The following BRSK2 variants were observed in gnomAD, a reference collection of about 807,000 sequenced individuals.
The protein encoded by BRSK2 is BR serine/threonine kinase 2, also known as serine/threonine-protein kinase BRSK2.
In BRSK2, 19 loss-of-function variants were observed where a neutral mutation model predicts 83.3. The ratio of observed to expected loss-of-function variants is 0.23; its 90% CI spans 0.16 to 0.33. The LOEUF is 0.33. Among genes scored for constraint, BRSK2 ranks in the 10% least tolerant of loss-of-function variants. The probability of loss-of-function intolerance (pLI) is 1.00; values close to 1 mark genes in which losing one functional copy is unlikely to be tolerated. For missense variants in BRSK2, 798 were observed against 1,042.3 expected (o/e 0.77, Z 3.23); for synonymous variants, 519 against 435.4 (o/e 1.19, Z -2.39).
At chr11:1,394,038 T>C (rs1391900602) in intron 1 of BRSK2, among the ~76,000 whole-genome samples, 1 of 94,364 alleles carries the variant, frequency 1.1e-5, no homozygotes, top group East Asian at 3.5e-4. Flanking sequence ...TGGAGATGGG[T>C]CCTGGAGATG....
chr11:1,421,277 C>T (rs1381682442), intron 1 of BRSK2, among the ~76,000 whole-genome samples: 1 of 152,184 alleles, frequency 6.6e-6, no homozygotes, highest in East Asian at 1.9e-4. Flanking sequence ...AGGAGGGAGG[C>T]AGGCGTCTGC....
chr11:1,417,816 G>C (rs1038870295), intron 1 of BRSK2, among the ~76,000 whole-genome samples: 4 of 139,838 alleles, frequency 2.9e-5, no homozygotes, highest in African/African-American at 1.1e-4. Flanking sequence ...TGGGTCACCT[G>C]TGTCCTGCTT....
chr11:1,425,609 G>A (rs1409286787), intron 1 of BRSK2, among the ~76,000 whole-genome samples: 1 of 152,174 alleles, frequency 6.6e-6, no homozygotes, highest in Non-Finnish European at 1.5e-5. Flanking sequence ...GGCCACGGGA[G>A]GCTCTTCACC....
rs371157986 is a variant in BRSK2, at chr11:1,419,359, C to T, written c.92-16681C>T. Among the ~76,000 whole-genome samples the T allele has an allele frequency of 4.4e-4, 67 of 152,316 alleles. 1 individual carries two copies. Among genetic ancestry groups the T allele is most frequent in the Admixed American group, 2.6e-3 (40 of 15,308 alleles). On this transcript the variant is annotated intron_variant, in intron 1 of 19. Transcript: ENST00000528841. ...TTCCCTCTTGGGTGGTGTTTCCAGC[C>T]GCTGGCTGCCCGGGCAGCTCCAAAT...
chr11:1,453,265 G>T (rs532832408), intron 15 of BRSK2, among the ~76,000 whole-genome samples: 67 of 152,336 alleles, frequency 4.4e-4, no homozygotes, highest in Middle Eastern at 3.4e-3. Context: ...CTCACCCCTC[G>T]TCGGCCTGGC....
intron 1 of BRSK2, among the ~76,000 whole-genome samples, chr11:1,394,704 A>G (rs1317779245): frequency 4.2e-5 from 5 of 119,628 alleles, no homozygotes; most frequent in African/African-American, 1.7e-4. Flanking sequence ...GGTCCTGGAG[A>G]TGGGTCCCTG....
At chr11:1,460,239 C>G (rs950675402) in intron 19 of BRSK2, among the ~76,000 whole-genome samples, 3 of 152,134 alleles carry the variant, frequency 2.0e-5, no homozygotes, top group Non-Finnish European at 4.4e-5. Flanking sequence ...CCTGGCCCCA[C>G]GGCGCACAGC....
intron 1 of BRSK2, among the ~76,000 whole-genome samples, chr11:1,414,790 C>T (rs1206489066): frequency 6.6e-6 from 1 of 152,202 alleles, no homozygotes; most frequent in South Asian, 2.1e-4. Context: ...CGTTTCTGGA[C>T]GTGTCACAGA....
intron 2 of BRSK2, among the ~76,000 whole-genome samples, chr11:1,437,447 G>A (rs937593062): frequency 5.9e-5 from 9 of 152,210 alleles, no homozygotes; most frequent in African/African-American, 2.2e-4. Flanking sequence ...CCAGCTGCCC[G>A]TGGCCAGGCT....
intron 1 of BRSK2, among the ~76,000 whole-genome samples, chr11:1,404,862 T>A (rs562652187): frequency 6.6e-6 from 1 of 152,136 alleles, no homozygotes; most frequent in East Asian, 1.9e-4. Context: ...GGGGCAGGGC[T>A]CAGCACTCCC....
At chr11:1,460,196 C>T (rs902152635) in intron 19 of BRSK2, among the ~76,000 whole-genome samples, 2 of 152,184 alleles carry the variant, frequency 1.3e-5, no homozygotes, top group East Asian at 1.9e-4. Flanking sequence ...CTGGGTCCTG[C>T]GCAACAGCTC....
intron 8 of BRSK2, among the ~76,000 whole-genome samples, chr11:1,444,657 C>G (rs1048332935): frequency 6.6e-6 from 1 of 152,000 alleles, no homozygotes; most frequent in Non-Finnish European, 1.5e-5. Context: ...CCTCCCTCCC[C>G]CTCTCCCTCC....
intron 1 of BRSK2, among the ~76,000 whole-genome samples, chr11:1,426,235 G>A (rs752770245): frequency 1.0e-4 from 10 of 96,474 alleles, no homozygotes; most frequent in African/African-American, 2.2e-4. Flanking sequence ...TGTGTGGGGC[G>A]TGCTCCGGGG....
intron 13 of BRSK2, among the ~76,000 whole-genome samples, chr11:1,450,358 GC>G (rs1279894389): frequency 5.3e-5 from 8 of 152,230 alleles, no homozygotes; most frequent in Non-Finnish European, 1.2e-4. Flanking sequence ...AGGCCGCCCT[GC>G]GGCCCGACCC....
chr11:1,449,868 A>G, intron 13 of BRSK2, 32 bp downstream of exon 13: 2 of 1,499,986 alleles, frequency 1.3e-6, no homozygotes, highest in Non-Finnish European at 1.8e-6. Flanking sequence ...CCCAGCTCGG[A>G]TGCACAGAGG....
At position 1,461,199 on chromosome 11, in the gene BRSK2, G is replaced by T; in HGVS notation, c.*476G>T. 1 of 718,338 alleles carries T rather than the reference G, an allele frequency of 1.4e-6. No homozygotes were observed. Among genetic ancestry groups the T allele is most frequent in the Non-Finnish European group, 2.2e-6 (1 of 455,880 alleles). 44.5% of individuals were successfully genotyped at this position (718,338 alleles called of 1,614,324 possible). On this transcript the variant is annotated 3_prime_UTR_variant, in exon 20 of 20. Coordinates refer to ENST00000528841, the MANE Select transcript of BRSK2 (RefSeq NM_001256627.2). ...TCCAGCCCGGCCGACCCGGACTCCC[G>T]GTCACCTGACCCCTCAGCAAGAACA...
chr11:1,459,358 AC>A, intron 19 of BRSK2, 119 bp downstream of exon 19: 1 of 1,149,664 alleles, frequency 8.7e-7, no homozygotes, highest in Non-Finnish European at 1.3e-6. Context: ...AGATGTAGGC[AC>A]CCAGCAGCCC....
At chr11:1,413,064 G>A (rs536002882) in intron 1 of BRSK2, among the ~76,000 whole-genome samples, 144 of 152,262 alleles carry the variant, frequency 9.5e-4, no homozygotes, top group Middle Eastern at 3.4e-3. Flanking sequence ...TTCAGAACCC[G>A]CATTCCTGGG....
intron 1 of BRSK2, among the ~76,000 whole-genome samples, chr11:1,417,641 G>A (rs575126315): frequency 2.7e-5 from 4 of 145,650 alleles, no homozygotes. Flanking sequence ...TGCTTCTGTT[G>A]GCTGTTTCTT....
Sources: allele counts gnomAD v4.1 joint callset (sites outside exome capture counted in the v4.1 genomes callset), GRCh38; gene constraint gnomAD v4.1.1; transcripts MANE v1.5; gene names NCBI Gene and HGNC (gene_info 2026-07-23, HGNC 2026-07-21).